The following DLEU7 variants were observed in gnomAD, a reference collection of about 807,000 sequenced individuals.
The protein encoded by DLEU7 is deleted in lymphocytic leukemia 7.
DLEU7 carries 17 observed loss-of-function variants against 16.0 expected under a neutral mutation model. The observed-to-expected ratio is 1.06, with a 90% CI of 0.73 to 1.59. DLEU7 has a LOEUF of 1.59. Among genes scored for constraint, DLEU7 ranks in the 40% most tolerant of loss-of-function variants. The pLI, the probability that DLEU7 is intolerant of heterozygous loss-of-function variation, is 0.00. For synonymous variants in DLEU7, 113 were observed against 139.8 expected (o/e 0.81, Z 1.35); for missense variants, 308 against 314.9 (o/e 0.98, Z 0.17).
intron 1 of DLEU7, among the ~76,000 whole-genome samples, chr13:50,760,471 C>G (rs1874896181): frequency 6.6e-6 from 1 of 152,174 alleles, no homozygotes; most frequent in Admixed American, 6.5e-5. Flanking sequence ...AAGCAATCCT[C>G]CTGCCTCAGC....
At chr13:50,739,921 A>AT (rs981861292) in intron 1 of DLEU7, among the ~76,000 whole-genome samples, 28 of 150,406 alleles carry the variant, frequency 1.9e-4, no homozygotes, top group South Asian at 4.2e-4. Flanking sequence ...AGATGCCTAG[A>AT]TTTTTTTTTT....
exon 2 of DLEU7, chr13:50,713,130 T>C (rs1873343587): frequency 6.7e-7 from 1 of 1,502,696 alleles, no homozygotes; most frequent in African/African-American, 1.4e-5. Flanking sequence ...TAACATCCCA[T>C]CTCATCCCAT....
intron 1 of DLEU7, among the ~76,000 whole-genome samples, chr13:50,718,133 C>T (rs1317506738): frequency 6.6e-6 from 1 of 152,102 alleles, no homozygotes; most frequent in African/African-American, 2.4e-5. Context: ...TTAAGAAGCA[C>T]TAATTTAAAT....
exon 2 of DLEU7, chr13:50,713,072 C>T: frequency 2.4e-6 from 2 of 845,558 alleles, no homozygotes; most frequent in Non-Finnish European, 3.8e-6. Context: ...CAATTGGAGA[C>T]CAATACGAAG....
At chr13:50,815,809 A>AT (rs1411727828) in intron 1 of DLEU7, among the ~76,000 whole-genome samples, 1 of 152,162 alleles carries the variant, frequency 6.6e-6, no homozygotes, top group Non-Finnish European at 1.5e-5. Flanking sequence ...CCTCATGACT[A>AT]TGCAGTAATT....
intron 1 of DLEU7, among the ~76,000 whole-genome samples, chr13:50,811,136 G>T (rs1337224451): frequency 2.6e-5 from 4 of 152,110 alleles, no homozygotes; most frequent in Non-Finnish European, 5.9e-5. Context: ...TTGCTTGTCA[G>T]GGCCCCAGAA....
At chr13:50,830,103 A>C (rs780957011) in intron 1 of DLEU7, among the ~76,000 whole-genome samples, 13 of 152,264 alleles carry the variant, frequency 8.5e-5, no homozygotes, top group South Asian at 4.1e-4. Flanking sequence ...TGCCAGAATT[A>C]GAACTACATG....
chr13:50,816,355 C>G (rs553680460), intron 1 of DLEU7, among the ~76,000 whole-genome samples: 5 of 152,090 alleles, frequency 3.3e-5, no homozygotes, highest in Non-Finnish European at 4.4e-5. Context: ...TCATATACTT[C>G]CATTCTGAGT....
At chr13:50,767,150 AG>A (rs1158262581) in intron 1 of DLEU7, among the ~76,000 whole-genome samples, 1 of 152,174 alleles carries the variant, frequency 6.6e-6, no homozygotes. Flanking sequence ...TCTAGCCCAG[AG>A]CTTGTTTCAA....
chr13:50,778,600 T>G (rs1163510023), intron 1 of DLEU7, among the ~76,000 whole-genome samples: 1 of 152,232 alleles, frequency 6.6e-6, no homozygotes, highest in Non-Finnish European at 1.5e-5. Context: ...AAGAATAATT[T>G]TAGGGATCAA....
downstream of DLEU7, chr13:50,818,595 A>G (rs143000111): frequency 1.1e-3 from 163 of 152,272 alleles, no homozygotes; most frequent in African/African-American, 3.7e-3. Flanking sequence ...AAAAACAGGT[A>G]TGTTCATTTC....
At chr13:50,830,251 T>C (rs1877218438) in intron 1 of DLEU7, among the ~76,000 whole-genome samples, 1 of 152,250 alleles carries the variant, frequency 6.6e-6, no homozygotes, top group Non-Finnish European at 1.5e-5. Flanking sequence ...TGAGATACTC[T>C]CATGTAACTC....
At chr13:50,834,673 C>A (rs1363242573) in intron 1 of DLEU7, among the ~76,000 whole-genome samples, 1 of 151,972 alleles carries the variant, frequency 6.6e-6, no homozygotes, top group Non-Finnish European at 1.5e-5. Context: ...ACCATTAGAC[C>A]CAGCAATCCC....
At chr13:50,775,907 T>C (rs1279223922) in intron 1 of DLEU7, among the ~76,000 whole-genome samples, 1 of 152,234 alleles carries the variant, frequency 6.6e-6, no homozygotes, top group African/African-American at 2.4e-5. Flanking sequence ...ACATTTATCT[T>C]TCCATGCATT....
intron 1 of DLEU7, among the ~76,000 whole-genome samples, chr13:50,794,799 T>C (rs892462180): frequency 6.6e-6 from 1 of 152,192 alleles, no homozygotes; most frequent in Non-Finnish European, 1.5e-5. Flanking sequence ...ACAGGATTTA[T>C]ACCCAGATTT....
intron 1 of DLEU7, among the ~76,000 whole-genome samples, chr13:50,757,094 G>A (rs633582): frequency 0.47 from 71,531 of 151,964 alleles, 17,820 homozygotes; most frequent in African/African-American, 0.62. Flanking sequence ...TCCTGCAGGA[G>A]CAGTCCGCTT....
At chr13:50,771,411 A>G (rs182452053) in intron 1 of DLEU7, among the ~76,000 whole-genome samples, 2 of 152,214 alleles carry the variant, frequency 1.3e-5, no homozygotes, top group East Asian at 3.9e-4. Flanking sequence ...AGTGCTATAA[A>G]TTTCCCTCTA....
At chr13:50,753,365 C>G (rs1378348032) in intron 1 of DLEU7, among the ~76,000 whole-genome samples, 1 of 152,176 alleles carries the variant, frequency 6.6e-6, no homozygotes, top group Non-Finnish European at 1.5e-5. Flanking sequence ...GGGGGCGGCG[C>G]TCGTTGGGGA....
chr13:50,798,243 T>G (rs933997141), intron 1 of DLEU7, among the ~76,000 whole-genome samples: 1 of 152,226 alleles, frequency 6.6e-6, no homozygotes, highest in African/African-American at 2.4e-5. Context: ...ATGAAATGTA[T>G]ATTTACAACT....
Sources: allele counts gnomAD v4.1 joint callset (sites outside exome capture counted in the v4.1 genomes callset), GRCh38; gene constraint gnomAD v4.1.1; transcripts MANE v1.5; gene names NCBI Gene and HGNC (gene_info 2026-07-23, HGNC 2026-07-21).